The following PALLD variants were observed in gnomAD, a reference collection of about 807,000 sequenced individuals.
The protein encoded by PALLD is palladin, cytoskeletal associated protein.
In PALLD, 61 loss-of-function variants were observed where a neutral mutation model predicts 123.5. The ratio of observed to expected loss-of-function variants is 0.49; its 90% CI spans 0.40 to 0.61. The LOEUF (loss-of-function observed/expected upper bound fraction) is 0.61, where lower values mean the gene tolerates loss of function less well. Ranked by LOEUF, PALLD falls within the 20% of genes least tolerant of loss-of-function variation. The pLI, the probability that PALLD is intolerant of heterozygous loss-of-function variation, is 0.00. For synonymous variants in PALLD, 465 were observed against 496.4 expected (o/e 0.94, Z 0.84); for missense variants, 1,273 against 1,377.0 (o/e 0.92, Z 1.20).
At chr4:168,716,957 G>T (rs1194817998) in intron 10 of PALLD, among the ~76,000 whole-genome samples, 1 of 152,076 alleles carries the variant, frequency 6.6e-6, no homozygotes, top group East Asian at 1.9e-4. Flanking sequence ...GCCTCTTATG[G>T]CTGGCTCTTA....
chr4:168,505,131 C>A (rs1477733376), intron 1 of PALLD, among the ~76,000 whole-genome samples: 1 of 152,216 alleles, frequency 6.6e-6, no homozygotes, highest in Non-Finnish European at 1.5e-5. Flanking sequence ...CGCCCTTGTT[C>A]ATCCTCATTG....
intron 8 of PALLD, among the ~76,000 whole-genome samples, chr4:168,706,118 T>A (rs920561588): frequency 1.3e-5 from 2 of 152,198 alleles, no homozygotes; most frequent in African/African-American, 4.8e-5. Context: ...AACGTTTTCA[T>A]CTTGCATGAG....
intron 3 of PALLD, among the ~76,000 whole-genome samples, chr4:168,671,066 G>T (rs1303590349): frequency 6.6e-6 from 1 of 151,182 alleles, no homozygotes; most frequent in Non-Finnish European, 1.5e-5. Flanking sequence ...ATTATAATAA[G>T]TGGTATAAGA....
At chr4:168,655,127 A>G (rs1277711846) in intron 2 of PALLD, among the ~76,000 whole-genome samples, 1 of 152,186 alleles carries the variant, frequency 6.6e-6, no homozygotes, top group South Asian at 2.1e-4. Context: ...CTAATGTTTC[A>G]TTATCAAATT....
chr4:168,584,474 T>C lies in PALLD; in HGVS notation c.908+72062T>C, dbSNP rs549945240. Among the ~76,000 whole-genome samples the C allele has an allele frequency of 8.7e-4, 133 of 152,364 alleles. 1 individual carries two copies. Among genetic ancestry groups the C allele is most frequent in the African/African-American group, 3.1e-3 (128 of 41,588 alleles). ...AAAATTGTTATTTTGGATTTTGTCA[T>C]CTTTCCATTTAAATTTCTACTTAAT... On this transcript the variant is annotated intron_variant, in intron 2 of 21. Coordinates refer to ENST00000505667, the MANE Select transcript of PALLD (RefSeq NM_001166108.2).
At chr4:168,626,525 C>T (rs1227120525) in intron 2 of PALLD, among the ~76,000 whole-genome samples, 1 of 150,608 alleles carries the variant, frequency 6.6e-6, no homozygotes, top group Non-Finnish European at 1.5e-5. Flanking sequence ...TCCTGGGAAA[C>T]GTGGCGAAAC....
intron 10 of PALLD, among the ~76,000 whole-genome samples, chr4:168,888,612 G>A (rs914308021): frequency 6.6e-6 from 1 of 152,162 alleles, no homozygotes; most frequent in African/African-American, 2.4e-5. Flanking sequence ...AGAGATGAGA[G>A]AATTTTAACT....
At chr4:168,703,803 A>C (rs1468246244) in intron 8 of PALLD, among the ~76,000 whole-genome samples, 1 of 143,726 alleles carries the variant, frequency 7.0e-6, no homozygotes, top group Non-Finnish European at 1.5e-5. Flanking sequence ...TAGATTCTGG[A>C]TATTAGCCCT....
rs181522180 is a variant in PALLD, at chr4:168,671,154, A to C, written c.1087+2786A>C. 1.9e-3 allele frequency among the ~76,000 whole-genome samples: 290 copies of C among 152,306 alleles called. 1 individual carries two copies. Among genetic ancestry groups the C allele is most frequent in the African/African-American group, 6.6e-3 (275 of 41,568 alleles). The stretch of plus-strand genomic sequence containing the variant: ...ATATATATAAAATCATATATATACT[A>C]TAAAATGAGATATTTCACTGCCTCT... On this transcript the variant is annotated intron_variant, in intron 3 of 21. Coordinates refer to ENST00000505667, the MANE Select transcript of PALLD (RefSeq NM_001166108.2).
chr4:168,746,103 C>T (rs983660165), intron 10 of PALLD, among the ~76,000 whole-genome samples: 42 of 152,112 alleles, frequency 2.8e-4, no homozygotes, highest in African/African-American at 8.7e-4. Flanking sequence ...CACCTTTTCT[C>T]GTCTTTCACA....
At chr4:168,714,024 C>T (rs1392635936) in intron 10 of PALLD, among the ~76,000 whole-genome samples, 1 of 86,746 alleles carries the variant, frequency 1.2e-5, no homozygotes. Flanking sequence ...TTTGTTTTTT[C>T]GTGTTGCATA....
At chr4:168,752,762 T>A (rs1234015617) in intron 10 of PALLD, among the ~76,000 whole-genome samples, 1 of 152,168 alleles carries the variant, frequency 6.6e-6, no homozygotes, top group Non-Finnish European at 1.5e-5. Flanking sequence ...TTATATCTAC[T>A]GGTGACCCCC....
At chr4:168,708,964 T>G (rs1784468391) in intron 8 of PALLD, 64 bp from the exon 9 acceptor site, 1 of 1,490,372 alleles carries the variant, frequency 6.7e-7, no homozygotes, top group South Asian at 1.1e-5. Flanking sequence ...GTGGAGGGTC[T>G]CACTTCTTAA....
chr4:168,921,413 A>C (rs1761480829), intron 17 of PALLD, 121 bp from the exon 18 acceptor site: 1 of 624,786 alleles, frequency 1.6e-6, no homozygotes, highest in African/African-American at 1.9e-5. Context: ...GTCCAAAAAA[A>C]AAAAAAAAAA....
chr4:168,741,347 T>TGTGTGTG (rs60613120), intron 10 of PALLD, among the ~76,000 whole-genome samples: 1 of 131,904 alleles, frequency 7.6e-6, no homozygotes, highest in South Asian at 2.4e-4. Context: ...TTTGTTTTTT[T>TGTGTGTG]TGTGTGTGTG....
chr4:168,760,778 A>C (rs945007575), intron 10 of PALLD, among the ~76,000 whole-genome samples: 5 of 152,222 alleles, frequency 3.3e-5, no homozygotes, highest in Non-Finnish European at 7.3e-5. Flanking sequence ...TTTCTCCTTC[A>C]GGTACCTGGT....
At chr4:168,718,908 A>ATTTTTTTT (rs55772255) in intron 10 of PALLD, among the ~76,000 whole-genome samples, 1 of 140,248 alleles carries the variant, frequency 7.1e-6, no homozygotes, top group Admixed American at 7.2e-5. Flanking sequence ...TGCCAATCTA[A>ATTTTTTTT]TTTTTTTTTT....
At position 168,802,533 on chromosome 4, in the gene PALLD, A is replaced by G. The variant is rs573290352; in HGVS notation, c.1965-88389A>G. ...AGTGGAAGCTAAACATTGAGCACACATGGACATAAACATGGGAAAAATAGA... is the reference window on the plus strand; with the variant it reads ...AGTGGAAGCTAAACATTGAGCACACGTGGACATAAACATGGGAAAAATAGA... On this transcript the variant is annotated intron_variant, in intron 10 of 21. Coordinates refer to ENST00000505667, the MANE Select transcript of PALLD (RefSeq NM_001166108.2). 5.9e-5 allele frequency among the ~76,000 whole-genome samples: 9 copies of G among 152,348 alleles called. No homozygotes were observed. The South Asian group carries it at 1.9e-3, about 32-fold the overall frequency.
chr4:168,775,105 T>A (rs576960531), intron 10 of PALLD, among the ~76,000 whole-genome samples: 2 of 152,336 alleles, frequency 1.3e-5, no homozygotes, highest in African/African-American at 4.8e-5. Context: ...CATTTTCAAT[T>A]TTTTACTATT....
Sources: gnomAD v4.1 joint callset for allele counts (sites outside exome capture counted in the v4.1 genomes callset) on GRCh38, gnomAD v4.1.1 for gene constraint, MANE v1.5 for transcripts, NCBI Gene and HGNC (gene_info 2026-07-23, HGNC 2026-07-21) for gene names.